The following CDK5RAP2 variants were observed in gnomAD, a reference collection of about 807,000 sequenced individuals.
CDK5RAP2 encodes CDK5 regulatory subunit associated protein 2.
In CDK5RAP2, 147 loss-of-function variants were observed where a neutral mutation model predicts 232.9. The observed-to-expected ratio is 0.63, with a 90% CI of 0.55 to 0.72. The LOEUF is 0.72. Among genes scored for constraint, CDK5RAP2 ranks in the 30% least tolerant of loss-of-function variants. CDK5RAP2 has a pLI of 0.00. For missense variants in CDK5RAP2, 2,195 were observed against 2,231.5 expected (o/e 0.98, Z 0.33); for synonymous variants, 833 against 833.7 (o/e 1.00, Z 0.01).
chr9:120,548,736 C>A (rs2041943695), intron 4 of CDK5RAP2, among the ~76,000 whole-genome samples: 1 of 152,122 alleles, frequency 6.6e-6, no homozygotes, highest in Non-Finnish European at 1.5e-5. Flanking sequence ...ACCTTCAGCC[C>A]AAGAGTTCAA....
chr9:120,558,869 A>G (rs908404716), intron 3 of CDK5RAP2, among the ~76,000 whole-genome samples: 2 of 152,182 alleles, frequency 1.3e-5, no homozygotes, highest in Non-Finnish European at 2.9e-5. Context: ...TATATGTTTC[A>G]TCTCTTTGCA....
chr9:120,408,386 C>G lies in CDK5RAP2; in HGVS notation c.4687G>C (p.Ala1563Pro). 1 of 1,614,218 alleles carries G rather than the reference C, an allele frequency of 6.2e-7. No individual in the cohort carries two copies. The highest frequency in any genetic ancestry group is 8.5e-7 in the Non-Finnish European group (1 of 1,180,044). Reference protein sequence around the residue: ...LLQSLRVELKAYEKLDEEHRR... With the variant: ...LLQSLRVELKPYEKLDEEHRR... ...TGCTCTTCATCCAGCTTCTCATACGCCTTCAGCTCCACTCGGAGAGACTGC... is the reference window on the plus strand; with the variant it reads ...TGCTCTTCATCCAGCTTCTCATACGGCTTCAGCTCCACTCGGAGAGACTGC... The change falls in exon 31 of 38, where the codon GCG becomes CCG. Residue 1563 changes from alanine to proline, a missense_variant. Transcript: ENST00000349780.
chr9:120,573,111 T>C (rs1387527030), intron 1 of CDK5RAP2, among the ~76,000 whole-genome samples: 3 of 152,254 alleles, frequency 2.0e-5, no homozygotes. Context: ...GCTCTTTCCA[T>C]GCCTCTAAAT....
intron 1 of CDK5RAP2, 150 bp downstream of exon 1, chr9:120,579,769 GC>G: frequency 3.1e-6 from 2 of 642,544 alleles, no homozygotes; most frequent in Non-Finnish European, 2.8e-6. Context: ...CAGGTGGTGG[GC>G]CCCCCAGAGA....
At chr9:120,407,301 G>T in intron 31 of CDK5RAP2, 53 bp from the exon 32 acceptor site, 1 of 1,373,310 alleles carries the variant, frequency 7.3e-7, no homozygotes, top group Non-Finnish European at 1.0e-6. Flanking sequence ...CAAAGGGTCA[G>T]CCATCGAAGG....
chr9:120,451,390 T>C (rs971052215), intron 21 of CDK5RAP2, among the ~76,000 whole-genome samples: 1 of 152,180 alleles, frequency 6.6e-6, no homozygotes, highest in Non-Finnish European at 1.5e-5. Flanking sequence ...GTAAAGTCCA[T>C]CCTCTTGTCT....
intron 14 of CDK5RAP2, among the ~76,000 whole-genome samples, chr9:120,478,478 TAAC>T (rs1391374697): frequency 1.3e-5 from 2 of 152,136 alleles, no homozygotes; most frequent in African/African-American, 2.4e-5. Context: ...TGACTATATG[TAAC>T]AATACCCTGG....
At chr9:120,508,536 C>A (rs1266985422) in intron 12 of CDK5RAP2, among the ~76,000 whole-genome samples, 1 of 152,184 alleles carries the variant, frequency 6.6e-6, no homozygotes, top group Non-Finnish European at 1.5e-5. Flanking sequence ...GATGACTGCA[C>A]AAGTTCTGAG....
At chr9:120,533,808 A>T (rs2041267155) in intron 7 of CDK5RAP2, among the ~76,000 whole-genome samples, 1 of 150,978 alleles carries the variant, frequency 6.6e-6, no homozygotes, top group Non-Finnish European at 1.5e-5. Context: ...AAAAAAAAAA[A>T]AAAAAAAAAA....
At chr9:120,568,288 T>C (rs1417322068) in intron 3 of CDK5RAP2, 33 bp downstream of exon 3, 3 of 1,537,880 alleles carry the variant, frequency 2.0e-6, no homozygotes, top group Non-Finnish European at 9.0e-7. Flanking sequence ...AGACACAATT[T>C]GTTGGGGGCA....
chr9:120,409,285 C>T lies in CDK5RAP2; in HGVS notation c.4446G>A (p.Glu1482=), dbSNP rs756031896. 3.1e-6 allele frequency: 5 copies of T among 1,609,576 alleles called. No individual in the cohort carries two copies. The Admixed American group carries it at 8.4e-5, about 27-fold the overall frequency. Residue 1482 remains glutamate (E), a synonymous_variant, in exon 30 of 38, where the codon GAG becomes GAA. Transcript: ENST00000349780. The part of the protein sequence containing the change: ...DKQKENDKLR[E]SLSRKTVSLE... ...GGCTCACGGTCTTCCTGGAGAGGGA[C>T]TCTCGTAATTTGTCATTCTCCTTCT...
chr9:120,503,314 C>A (rs946195718), intron 12 of CDK5RAP2, among the ~76,000 whole-genome samples: 1 of 152,108 alleles, frequency 6.6e-6, no homozygotes, highest in Non-Finnish European at 1.5e-5. Flanking sequence ...GAAGAGCAGT[C>A]AAAGAAAGTT....
At chr9:120,436,055 T>C (rs1475163667) in intron 25 of CDK5RAP2, among the ~76,000 whole-genome samples, 1 of 152,196 alleles carries the variant, frequency 6.6e-6, no homozygotes, top group Non-Finnish European at 1.5e-5. Flanking sequence ...AAATTATTCA[T>C]TACACAGGTT....
intron 12 of CDK5RAP2, among the ~76,000 whole-genome samples, chr9:120,492,168 T>G (rs1425821791): frequency 3.3e-5 from 5 of 152,172 alleles, no homozygotes; most frequent in Non-Finnish European, 7.4e-5. Flanking sequence ...GAAGCACTAT[T>G]CATAATAGCA....
intron 25 of CDK5RAP2, among the ~76,000 whole-genome samples, chr9:120,435,773 T>C (rs979063807): frequency 6.6e-6 from 1 of 152,168 alleles, no homozygotes; most frequent in African/African-American, 2.4e-5. Flanking sequence ...GAATGGATAA[T>C]AGTCCATTGA....
chr9:120,429,746 C>T (rs188221061), intron 25 of CDK5RAP2, among the ~76,000 whole-genome samples: 362 of 152,188 alleles, frequency 2.4e-3, no homozygotes, highest in Middle Eastern at 0.02. Flanking sequence ...CTTCACAGAA[C>T]TGGAAAAAAT....
intron 27 of CDK5RAP2, among the ~76,000 whole-genome samples, chr9:120,419,366 C>G (rs1188251145): frequency 6.6e-6 from 1 of 152,164 alleles, no homozygotes; most frequent in Non-Finnish European, 1.5e-5. Flanking sequence ...CCTACAATCA[C>G]AAATGTTGTA....
chr9:120,471,196 C>T (rs1043709274), intron 16 of CDK5RAP2, among the ~76,000 whole-genome samples: 2 of 152,182 alleles, frequency 1.3e-5, no homozygotes, highest in African/African-American at 2.4e-5. Context: ...CAGATACCAA[C>T]CCAAACTTTA....
chr9:120,503,923 C>T (rs560780491), intron 12 of CDK5RAP2, among the ~76,000 whole-genome samples: 1 of 152,086 alleles, frequency 6.6e-6, no homozygotes, highest in Non-Finnish European at 1.5e-5. Flanking sequence ...CAACAGTTAA[C>T]CCAGGCCTTA....
Sources: gnomAD v4.1 joint callset for allele counts (sites outside exome capture counted in the v4.1 genomes callset) on GRCh38, gnomAD v4.1.1 for gene constraint, MANE v1.5 for transcripts, NCBI Gene and HGNC (gene_info 2026-07-23, HGNC 2026-07-21) for gene names.